Variants in ELF1 observed in about 807,000 individuals in gnomAD.
The protein encoded by ELF1 is ETS-related transcription factor Elf-1.
In ELF1, 24 loss-of-function variants were observed where a neutral mutation model predicts 59.9. That is an observed-to-expected ratio of 0.40 (90% CI 0.29 to 0.56). ELF1 has a LOEUF of 0.56. Among genes scored for constraint, ELF1 ranks in the 20% least tolerant of loss-of-function variants. ELF1 has a pLI of 0.44. For missense variants in ELF1, 627 were observed against 742.2 expected, an observed-to-expected ratio of 0.84 and a Z score of 1.80; for synonymous variants, 248 against 266.2, an observed-to-expected ratio of 0.93 and a Z score of 0.67.
chr13:41,032,664 A>G (rs1302103054), intron 1 of ELF1, among the ~76,000 whole-genome samples: 1 of 152,124 alleles, frequency 6.6e-6, no homozygotes, highest in Non-Finnish European at 1.5e-5. Context: ...AGCCTGGGCA[A>G]CACAGTGAGA....
At chr13:41,053,604 T>C (rs1566201931) in intron 1 of ELF1, among the ~76,000 whole-genome samples, 1 of 152,192 alleles carries the variant, frequency 6.6e-6, no homozygotes, top group Non-Finnish European at 1.5e-5. Flanking sequence ...CCTAAATGGC[T>C]ACCCCACCCC....
At chr13:41,036,600 C>T (rs1876390790) in intron 1 of ELF1, among the ~76,000 whole-genome samples, 1 of 152,208 alleles carries the variant, frequency 6.6e-6, no homozygotes, top group Non-Finnish European at 1.5e-5. Context: ...CATCCCATTA[C>T]TGGGTATATA....
At position 40,949,912 on chromosome 13, in the gene ELF1, G is replaced by A. The variant is rs144235912; in HGVS notation, c.423C>T (p.Ser141=). 12 of 1,613,650 alleles carry A rather than the reference G, an allele frequency of 7.4e-6. No homozygotes were observed. The highest frequency in any genetic ancestry group is 1.6e-4 in the Middle Eastern group (1 of 6,082). ...DMVVAPVTHV[S]VTLDGIPEVM... ...CTTCAGGAATCCCATCTAATGTGAC[G>A]GACACATGGGTGACTGGGGCAACAA... Residue 141 remains serine, a synonymous_variant, in exon 5 of 9, where the codon TCC becomes TCT. Transcript: ENST00000239882.
At chr13:40,960,104 GCTT>G (rs1201523945) in intron 2 of ELF1, among the ~76,000 whole-genome samples, 1 of 151,966 alleles carries the variant, frequency 6.6e-6, no homozygotes, top group East Asian at 1.9e-4. Context: ...TAGACATATT[GCTT>G]CTTAATCCTA....
intron 2 of ELF1, among the ~76,000 whole-genome samples, chr13:40,965,604 G>T (rs987968486): frequency 6.6e-6 from 1 of 151,754 alleles, no homozygotes; most frequent in African/African-American, 2.4e-5. Context: ...CTGGGTGATA[G>T]AGCAAGATTT....
At chr13:40,984,356 C>G (rs2138279779) in intron 1 of ELF1, among the ~76,000 whole-genome samples, 1 of 152,284 alleles carries the variant, frequency 6.6e-6, no homozygotes, top group Non-Finnish European at 1.5e-5. Flanking sequence ...CTTGAGACTA[C>G]ACATTCAAGA....
intron 2 of ELF1, among the ~76,000 whole-genome samples, chr13:40,972,685 G>T (rs1434214708): frequency 6.6e-6 from 1 of 152,044 alleles, no homozygotes; most frequent in Non-Finnish European, 1.5e-5. Flanking sequence ...ACCTTGGGAG[G>T]TAATTCTGTT....
chr13:41,015,445 A>G (rs544559112), intron 1 of ELF1, among the ~76,000 whole-genome samples: 74 of 152,272 alleles, frequency 4.9e-4, no homozygotes, highest in African/African-American at 1.6e-3. Flanking sequence ...ACTAGAGGCT[A>G]TGGGCTTCAA....
At chr13:41,056,221 T>C (rs1877282908) in intron 1 of ELF1, among the ~76,000 whole-genome samples, 2 of 152,224 alleles carry the variant, frequency 1.3e-5, no homozygotes, top group Non-Finnish European at 1.5e-5. Context: ...TCTTTCTCTA[T>C]AGATTTGCCT....
chr13:40,959,366 TG>T (rs1361167290), intron 2 of ELF1, among the ~76,000 whole-genome samples: 1 of 151,924 alleles, frequency 6.6e-6, no homozygotes, highest in Non-Finnish European at 1.5e-5. Context: ...CACGGTGGCA[TG>T]CACCTGTAGT....
intron 3 of ELF1, among the ~76,000 whole-genome samples, chr13:40,957,990 T>C (rs9532689): frequency 0.54 from 82,821 of 152,124 alleles, 25,738 homozygotes; most frequent in Non-Finnish European, 0.69. Flanking sequence ...TACTTGCCAC[T>C]ATGAAATCTA....
chr13:40,935,675 A>ATTT lies in ELF1; in HGVS notation c.1257-1650_1257-1648dup, dbSNP rs35559263. ...GTACCTGACGCTATAGCCAGATACCATTTTTTTTTTTTTTTTGAGATGGAG... is the reference window on the plus strand; with the variant it reads ...GTACCTGACGCTATAGCCAGATACCATTTTTTTTTTTTTTTTTTTGAGATGGAG... On this transcript the variant is annotated intron_variant, in intron 8 of 8. Transcript: ENST00000239882. 2.6e-3 allele frequency among the ~76,000 whole-genome samples: 354 copies of ATTT among 138,150 alleles called. 6 individuals are homozygous for ATTT. In the East Asian group the frequency reaches 0.049, roughly 19 times the overall value. The allele number at this position is 138,150 out of a possible 152,430, so 90.6% of individuals were successfully genotyped here. A position where few individuals can be genotyped will look rare whatever the true frequency, so the allele number is the denominator to read the frequency against.
chr13:40,951,414 C>T lies in ELF1; in HGVS notation c.276G>A (p.Gly92=). 6.2e-7 allele frequency: 1 copy of T among 1,613,666 alleles called. No individual in the cohort carries two copies. The highest frequency in any genetic ancestry group is 8.5e-7 in the Non-Finnish European group (1 of 1,179,868). ...CCTCAATAGTTTCAATTGTTTCATC[C>T]CCGTCATGACAAGAAGCTTCAACTG... ...TLTVEASCHD[G]DETIETIEAA... Residue 92 remains glycine (G), a synonymous_variant, in exon 4 of 9, where the codon GGG becomes GGA. Coordinates refer to ENST00000239882, the MANE Select transcript of ELF1 (RefSeq NM_172373.4).
rs201151215 is a variant in ELF1, at chr13:40,950,678, TC to T, written c.361+650del. ...CCACTGCTACTAGAGCAATTCGCTA[TC>T]ACTCTTGTGGCCTTTATTCTTGGCT... is the stretch of plus-strand genomic sequence containing the variant. On this transcript the variant is annotated intron_variant, in intron 4 of 8. Transcript: ENST00000239882. Among the ~76,000 whole-genome samples, 1,335 of 152,350 alleles carry T rather than the reference TC, an allele frequency of 8.8e-3. 15 individuals are homozygous for T. The highest frequency in any genetic ancestry group is 0.018 in the Admixed American group (282 of 15,308).
chr13:41,004,909 G>A (rs1472174369), intron 1 of ELF1, among the ~76,000 whole-genome samples: 2 of 151,976 alleles, frequency 1.3e-5, no homozygotes, highest in Admixed American at 6.6e-5. Flanking sequence ...AACGTCCCTC[G>A]AATCAACAAG....
chr13:41,016,252 C>A (rs9566660), intron 1 of ELF1, among the ~76,000 whole-genome samples: 1 of 152,120 alleles, frequency 6.6e-6, no homozygotes, highest in Non-Finnish European at 1.5e-5. Context: ...ACACTGTGGA[C>A]GATTTCGCAC....
chr13:40,960,123 T>C (rs985419177), intron 2 of ELF1, among the ~76,000 whole-genome samples: 1 of 152,240 alleles, frequency 6.6e-6, no homozygotes, highest in Non-Finnish European at 1.5e-5. Flanking sequence ...TCCTACTTTG[T>C]GTTAATTTCC....
chr13:41,061,140 C>T, exon 1 of ELF1: 1 of 193,546 alleles, frequency 5.2e-6, no homozygotes, highest in East Asian at 1.1e-4. Context: ...ACCCACAGGT[C>T]CCGGTTGCTC....
At position 41,008,337 on chromosome 13, in the gene ELF1, T is replaced by G. The variant is rs1467717200; in HGVS notation, c.-229+10891A>C. 3.9e-5 allele frequency among the ~76,000 whole-genome samples: 6 copies of G among 152,308 alleles called. No homozygotes were observed. In the East Asian group the frequency reaches 1.2e-3, roughly 29 times the overall value. Reference sequence around the variant, plus strand: ...AATTTTTCCAAAAATTAATAAAGCATGCCCATCACTTCAAGGAAAACAACT... The same window carrying G: ...AATTTTTCCAAAAATTAATAAAGCAGGCCCATCACTTCAAGGAAAACAACT... On this transcript the variant is annotated intron_variant, in intron 1 of 8. Transcript: ENST00000239882.
Sources: allele counts gnomAD v4.1 joint callset (sites outside exome capture counted in the v4.1 genomes callset), GRCh38; gene constraint gnomAD v4.1.1; transcripts MANE v1.5; gene names NCBI Gene and HGNC (gene_info 2026-07-23, HGNC 2026-07-21).